MECOM: variants seen among roughly 807,000 people sequenced by gnomAD.
MECOM encodes the protein MDS1 and EVI1 complex locus.
In MECOM, 13 loss-of-function variants were observed where a neutral mutation model predicts 116.3. The observed-to-expected ratio is 0.11, with a 90% CI of 0.07 to 0.18. The LOEUF (loss-of-function observed/expected upper bound fraction) is 0.18. Among genes scored for constraint, MECOM ranks in the 10% least tolerant of loss-of-function variants. The pLI is 1.00. For synonymous variants in MECOM, 528 were observed against 535.2 expected (o/e 0.99, Z 0.19); for missense variants, 1,299 against 1,509.0 (o/e 0.86, Z 2.31).
intron 1 of MECOM, among the ~76,000 whole-genome samples, chr3:169,476,451 C>A (rs1364893502): frequency 4.6e-5 from 7 of 152,126 alleles, no homozygotes; most frequent in Non-Finnish European, 8.8e-5. Context: ...ATCAATAACG[C>A]TTTGATAGAT....
Position 169,216,432 on chromosome 3 carries a change from C to G in MECOM, c.376-72600G>C, listed in dbSNP as rs190917285. 3.5e-4 allele frequency among the ~76,000 whole-genome samples: 53 copies of G among 152,220 alleles called. 1 individual carries two copies. In the East Asian group the frequency reaches 0.01, roughly 29 times the overall value. On this transcript the variant is annotated intron_variant, in intron 2 of 16. Coordinates refer to ENST00000651503, the MANE Select transcript of MECOM (RefSeq NM_004991.4). ...TGTATCTTAAAAGCAATAGTTGAAA[C>G]CTTCCCAAATCTCTGAAATGACATC...
rs1296275715 is a variant in MECOM at position 169,168,193 on chromosome 3, CTGTTTTTTGTTG to C, written c.376-24373_376-24362del. 4.0e-5 allele frequency among the ~76,000 whole-genome samples: 6 copies of C among 151,890 alleles called. No individual in the cohort carries two copies. In the South Asian group the frequency reaches 6.2e-4, roughly 16 times the overall value. ...ATAGTTTTTTACCTTACAGTATAAT[CTGTTTTTTGTTG>C]TGTTTTTTGTTTGTTTATTTGTTTT... On this transcript the variant is annotated intron_variant, in intron 2 of 16. Transcript: ENST00000651503.
At chr3:169,208,595 TA>T (rs1459476831) in intron 2 of MECOM, among the ~76,000 whole-genome samples, 2 of 151,930 alleles carry the variant, frequency 1.3e-5, no homozygotes, top group Non-Finnish European at 2.9e-5. Flanking sequence ...TAAATTACCT[TA>T]TATGTTAAAG....
chr3:169,421,675 T>A (rs1031847384), intron 1 of MECOM, among the ~76,000 whole-genome samples: 1 of 151,188 alleles, frequency 6.6e-6, no homozygotes, highest in Non-Finnish European at 1.5e-5. Context: ...ACTTATAGCA[T>A]GTTTGTTTTT....
chr3:169,097,634 C>T (rs550641981), intron 12 of MECOM, among the ~76,000 whole-genome samples: 3 of 151,546 alleles, frequency 2.0e-5, no homozygotes, highest in Non-Finnish European at 4.4e-5. Context: ...ATTTGTAAAA[C>T]AGAGGGGCTG....
chr3:169,343,778 C>A (rs572289533), intron 2 of MECOM, among the ~76,000 whole-genome samples: 1 of 152,160 alleles, frequency 6.6e-6, no homozygotes, highest in East Asian at 1.9e-4. Flanking sequence ...TTCAATAAAT[C>A]TTTTTAAGGG....
At chr3:169,549,846 C>T (rs1761169954) in intron 1 of MECOM, among the ~76,000 whole-genome samples, 2 of 152,152 alleles carry the variant, frequency 1.3e-5, no homozygotes, top group East Asian at 1.9e-4. Flanking sequence ...TGGGATGTGG[C>T]GCTGTCCAGA....
At chr3:169,342,349 C>T (rs1724687628) in intron 2 of MECOM, among the ~76,000 whole-genome samples, 2 of 151,994 alleles carry the variant, frequency 1.3e-5, no homozygotes, top group South Asian at 4.1e-4. Flanking sequence ...TGGAACTCAG[C>T]TTACCCCTTA....
At chr3:169,496,903 C>A (rs1199991970) in intron 1 of MECOM, among the ~76,000 whole-genome samples, 3 of 152,074 alleles carry the variant, frequency 2.0e-5, no homozygotes, top group Non-Finnish European at 4.4e-5. Context: ...TTCTTTGGGA[C>A]CCCCATAAAA....
At chr3:169,509,827 A>G (rs1755738678) in intron 1 of MECOM, among the ~76,000 whole-genome samples, 1 of 152,254 alleles carries the variant, frequency 6.6e-6, no homozygotes, top group African/African-American at 2.4e-5. Flanking sequence ...ACACTGGTGT[A>G]GAGTATCCGT....
At chr3:169,205,704 T>C (rs1236999398) in intron 2 of MECOM, among the ~76,000 whole-genome samples, 2 of 152,164 alleles carry the variant, frequency 1.3e-5, no homozygotes, top group African/African-American at 4.8e-5. Flanking sequence ...AAATAGAAGC[T>C]TCTCATCTTA....
chr3:169,231,242 C>A (rs1357449363), intron 2 of MECOM, among the ~76,000 whole-genome samples: 1 of 152,110 alleles, frequency 6.6e-6, no homozygotes, highest in Non-Finnish European at 1.5e-5. Flanking sequence ...TTCATTCTTT[C>A]ATTTATTCAC....
chr3:169,662,678 A>G (rs1453115287), intron 1 of MECOM, among the ~76,000 whole-genome samples: 1 of 148,834 alleles, frequency 6.7e-6, no homozygotes, highest in Non-Finnish European at 1.5e-5. Context: ...CCGAGCGCAC[A>G]GCGCCCACTA....
intron 2 of MECOM, chr3:169,147,711 G>A (rs1209272272): frequency 3.1e-6 from 3 of 963,520 alleles, no homozygotes; most frequent in East Asian, 2.4e-4. Flanking sequence ...GAAAGCACAA[G>A]TGTGGTGTGT....
Position 169,240,300 on chromosome 3 carries a change from T to C in MECOM, c.376-96468A>G, listed in dbSNP as rs554383005. On this transcript the variant is annotated intron_variant, in intron 2 of 16. Coordinates refer to ENST00000651503, the MANE Select transcript of MECOM (RefSeq NM_004991.4). Reference sequence around the variant, plus strand: ...CCCTGAACTCTGAGCTGTTCCAGCATAGATGAGGAAGAAATGACCTCTAGC... The same window carrying C: ...CCCTGAACTCTGAGCTGTTCCAGCACAGATGAGGAAGAAATGACCTCTAGC... Among the ~76,000 whole-genome samples, 4 of 152,332 alleles carry C rather than the reference T, an allele frequency of 2.6e-5. No homozygotes were observed. The South Asian group carries it at 8.3e-4, about 32-fold the overall frequency.
chr3:169,326,047 C>T (rs1345266161), intron 2 of MECOM, among the ~76,000 whole-genome samples: 2 of 152,014 alleles, frequency 1.3e-5, no homozygotes, highest in African/African-American at 4.8e-5. Flanking sequence ...AAGGGCCACA[C>T]CAATGGTGTG....
rs968891803 is a variant in MECOM, at chr3:169,542,474, C to T, written c.37+120862G>A. Among the ~76,000 whole-genome samples the T allele has an allele frequency of 4.6e-5, 7 of 152,178 alleles. No individual in the cohort carries two copies. In the East Asian group the frequency reaches 1.2e-3, roughly 25 times the overall value. On this transcript the variant is annotated intron_variant, in intron 1 of 16. Transcript: ENST00000651503. ...GGGACTCTAGGAGCCAATTTCAGTG[C>T]TTTTCTTAACTACATCATTGCATTT... is the stretch of plus-strand genomic sequence containing the variant.
intron 1 of MECOM, among the ~76,000 whole-genome samples, chr3:169,432,451 C>T (rs1360099642): frequency 6.6e-6 from 1 of 152,180 alleles, no homozygotes; most frequent in Non-Finnish European, 1.5e-5. Context: ...AGCCACTGTG[C>T]CGGGCTGTCA....
chr3:169,637,601 A>G (rs898424852), intron 1 of MECOM, among the ~76,000 whole-genome samples: 15 of 152,188 alleles, frequency 9.9e-5, no homozygotes, highest in African/African-American at 3.1e-4. Flanking sequence ...ACTGTGTCCT[A>G]ATTCGGACTG....
Sources: gnomAD v4.1 joint callset for allele counts (sites outside exome capture counted in the v4.1 genomes callset) on GRCh38, gnomAD v4.1.1 for gene constraint, MANE v1.5 for transcripts, NCBI Gene and HGNC (gene_info 2026-07-23, HGNC 2026-07-21) for gene names.